The following OSBPL1A variants were observed in gnomAD, a reference collection of about 807,000 sequenced individuals.
OSBPL1A encodes the protein oxysterol-binding protein-related protein 1.
OSBPL1A carries 80 observed loss-of-function variants against 137.1 expected under a neutral mutation model. The observed-to-expected ratio is 0.58, with a 90% confidence interval of 0.49 to 0.70. OSBPL1A has a LOEUF of 0.70. Among genes scored for constraint, OSBPL1A ranks in the 30% least tolerant of loss-of-function variants. OSBPL1A has a pLI of 0.00. For missense variants in OSBPL1A, 970 were observed against 1,129.4 expected (o/e 0.86, Z 2.02); for synonymous variants, 365 against 389.7 (o/e 0.94, Z 0.75).
At chr18:24,183,542 C>T (rs2086665800) in intron 18 of OSBPL1A, among the ~76,000 whole-genome samples, 1 of 151,852 alleles carries the variant, frequency 6.6e-6, no homozygotes, top group South Asian at 2.1e-4. Flanking sequence ...AAGCGATTCT[C>T]ATGCCTCAGC....
intron 26 of OSBPL1A, 106 bp downstream of exon 26, chr18:24,166,473 C>A (rs2086148044): frequency 7.3e-7 from 1 of 1,363,144 alleles, no homozygotes; most frequent in Admixed American, 2.6e-5. Flanking sequence ...CTAAGAGAGA[C>A]TAAAAACGCT....
chr18:24,383,799 T>C (rs754202050), intron 1 of OSBPL1A, among the ~76,000 whole-genome samples: 2 of 152,220 alleles, frequency 1.3e-5, no homozygotes, highest in Non-Finnish European at 2.9e-5. Flanking sequence ...AAACAGTCCA[T>C]TATAATATAT....
chr18:24,268,547 T>C (rs939205123), intron 15 of OSBPL1A, among the ~76,000 whole-genome samples: 3 of 151,278 alleles, frequency 2.0e-5, no homozygotes, highest in African/African-American at 4.9e-5. Context: ...TTTTGTTTTT[T>C]AGAAAAAATA....
intron 2 of OSBPL1A, among the ~76,000 whole-genome samples, chr18:24,372,367 C>T (rs564878596): frequency 1.7e-3 from 258 of 152,174 alleles, no homozygotes; most frequent in Non-Finnish European, 1.5e-3. Flanking sequence ...ACTTCAAAAT[C>T]CATATTTCCA....
chr18:24,215,260 C>G (rs1007795023), intron 17 of OSBPL1A, among the ~76,000 whole-genome samples: 3 of 152,176 alleles, frequency 2.0e-5, no homozygotes, highest in African/African-American at 7.2e-5. Context: ...ACAATCAGAT[C>G]TGAAATTTAC....
At chr18:24,196,035 C>T in intron 18 of OSBPL1A, 90 bp downstream of exon 18, 3 of 1,019,166 alleles carry the variant, frequency 2.9e-6, no homozygotes, top group Non-Finnish European at 4.4e-6. Flanking sequence ...TTGTCGTGCA[C>T]CACTTTAATG....
chr18:24,310,056 A>G (rs1202921896), intron 13 of OSBPL1A, among the ~76,000 whole-genome samples: 4 of 151,254 alleles, frequency 2.6e-5, no homozygotes, highest in East Asian at 1.9e-4. Context: ...CAAAAAAAAA[A>G]AAAAGAAAAA....
At chr18:24,385,817 C>T (rs1686439961) in intron 1 of OSBPL1A, among the ~76,000 whole-genome samples, 1 of 152,132 alleles carries the variant, frequency 6.6e-6, no homozygotes, top group African/African-American at 2.4e-5. Context: ...AAGCAACTTC[C>T]TTCTGAAGAG....
intron 17 of OSBPL1A, among the ~76,000 whole-genome samples, chr18:24,213,687 GTC>G (rs1245543183): frequency 6.6e-6 from 1 of 151,918 alleles, no homozygotes; most frequent in Non-Finnish European, 1.5e-5. Flanking sequence ...CTTATCTATA[GTC>G]TATGATTGCC....
chr18:24,256,375 T>C (rs1483983160), intron 15 of OSBPL1A, among the ~76,000 whole-genome samples: 1 of 152,162 alleles, frequency 6.6e-6, no homozygotes, highest in Non-Finnish European at 1.5e-5. Context: ...AAAAACCATA[T>C]GACCATTTCA....
chr18:24,164,467 C>T (rs1325767459), intron 27 of OSBPL1A, among the ~76,000 whole-genome samples: 2 of 115,956 alleles, frequency 1.7e-5, no homozygotes, highest in East Asian at 2.9e-4. Flanking sequence ...CTCGCTCTGT[C>T]GCCCAGGCTG....
intron 17 of OSBPL1A, among the ~76,000 whole-genome samples, chr18:24,221,624 T>A (rs1001384936): frequency 6.6e-6 from 1 of 151,850 alleles, no homozygotes; most frequent in African/African-American, 2.4e-5. Flanking sequence ...CGTATTTACA[T>A]TTATGAAAGA....
chr18:24,386,181 G>A (rs1390183304), intron 1 of OSBPL1A, among the ~76,000 whole-genome samples: 1 of 152,098 alleles, frequency 6.6e-6, no homozygotes, highest in Non-Finnish European at 1.5e-5. Flanking sequence ...GGGTCACGGG[G>A]TCAATACAGT....
At chr18:24,273,999 C>T (rs756620589) in intron 15 of OSBPL1A, among the ~76,000 whole-genome samples, 2 of 151,940 alleles carry the variant, frequency 1.3e-5, no homozygotes, top group Admixed American at 6.6e-5. Context: ...ATTGAGAGGC[C>T]GAGGCAGGCA....
At chr18:24,210,249 ACC>A (rs1185199375) in intron 17 of OSBPL1A, among the ~76,000 whole-genome samples, 1 of 151,916 alleles carries the variant, frequency 6.6e-6, no homozygotes, top group African/African-American at 2.4e-5. Flanking sequence ...ACATGTTGAA[ACC>A]CCGTCTCTAC....
At chr18:24,395,650 C>T (rs1568075078) in intron 1 of OSBPL1A, among the ~76,000 whole-genome samples, 1 of 150,986 alleles carries the variant, frequency 6.6e-6, no homozygotes, top group Non-Finnish European at 1.5e-5. Flanking sequence ...GACGGAGTTT[C>T]GCTCTTGTCG....
At chr18:24,201,401 T>C (rs1220074683) in intron 17 of OSBPL1A, among the ~76,000 whole-genome samples, 1 of 152,202 alleles carries the variant, frequency 6.6e-6, no homozygotes, top group Admixed American at 6.5e-5. Context: ...CCCCTTGTTC[T>C]GAAAGTTGTG....
chr18:24,194,083 T>G (rs531000978), intron 18 of OSBPL1A, among the ~76,000 whole-genome samples: 2 of 152,282 alleles, frequency 1.3e-5, no homozygotes, highest in African/African-American at 4.8e-5. Context: ...ACACTACAGC[T>G]GACACCCAGT....
At chr18:24,182,923 C>T (rs1242941261) in intron 18 of OSBPL1A, among the ~76,000 whole-genome samples, 1 of 151,742 alleles carries the variant, frequency 6.6e-6, no homozygotes, top group Admixed American at 6.6e-5. Context: ...GGCTGGAGTA[C>T]AGTGGCACAA....
Sources: gnomAD v4.1 joint callset for allele counts (sites outside exome capture counted in the v4.1 genomes callset) on GRCh38, gnomAD v4.1.1 for gene constraint, MANE v1.5 for transcripts, NCBI Gene and HGNC (gene_info 2026-07-23, HGNC 2026-07-21) for gene names.